Variants in SLC9C2 observed in about 807,000 individuals in gnomAD.
SLC9C2 encodes the protein solute carrier family 9 member C2 (putative).
SLC9C2 carries 75 observed loss-of-function variants against 140.2 expected under a neutral mutation model. The observed-to-expected ratio is 0.53, with a 90% CI of 0.44 to 0.65. SLC9C2 has a LOEUF of 0.65. SLC9C2 is among the 30% of genes least tolerant of loss of function. SLC9C2 has a pLI of 0.00. For synonymous variants in SLC9C2, 375 were observed against 420.9 expected (o/e 0.89, Z 1.34); for missense variants, 1,074 against 1,331.8 (o/e 0.81, Z 3.01).
rs527245078 is a variant in SLC9C2 at position 173,559,311 on chromosome 1, G to A, written c.1047-1803C>T. Among the ~76,000 whole-genome samples, 7 of 152,324 alleles carry A rather than the reference G, an allele frequency of 4.6e-5. No individual in the cohort carries two copies. In the East Asian group the frequency reaches 1.4e-3, roughly 29 times the overall value. On this transcript the variant is annotated intron_variant, in intron 9 of 27. Transcript: ENST00000367714. ...GCCCTGCCTTTCCAAGACAGGGTCTGGGTGTAGAAGGAAATTCACATAACT... is the reference window on the plus strand; with the variant it reads ...GCCCTGCCTTTCCAAGACAGGGTCTAGGTGTAGAAGGAAATTCACATAACT...
chr1:173,578,515 AG>A (rs1213892037), intron 7 of SLC9C2, among the ~76,000 whole-genome samples: 1 of 152,210 alleles, frequency 6.6e-6, no homozygotes, highest in African/African-American at 2.4e-5. Flanking sequence ...TAATTCCTGA[AG>A]CAGAGGAAAG....
At chr1:173,585,400 T>G (rs924300375) in intron 5 of SLC9C2, among the ~76,000 whole-genome samples, 4 of 152,218 alleles carry the variant, frequency 2.6e-5, no homozygotes, top group African/African-American at 9.6e-5. Flanking sequence ...TAATGTATTA[T>G]GACTATTTTA....
chr1:173,552,693 A>G (rs995073756), intron 11 of SLC9C2, among the ~76,000 whole-genome samples: 9 of 152,218 alleles, frequency 5.9e-5, no homozygotes, highest in African/African-American at 2.2e-4. Context: ...CTCAGAAAAA[A>G]AAAGATTCCT....
chr1:173,533,511 C>A (rs763073663), intron 17 of SLC9C2, 98 bp downstream of exon 17: 24 of 849,688 alleles, frequency 2.8e-5, no homozygotes, highest in Non-Finnish European at 3.9e-5. Flanking sequence ...CTTCTGGACT[C>A]AAGCAATCCA....
intron 13 of SLC9C2, among the ~76,000 whole-genome samples, chr1:173,538,676 T>C (rs553873564): frequency 1.3e-5 from 2 of 152,242 alleles, no homozygotes; most frequent in South Asian, 2.1e-4. Context: ...TAAGGAGAAG[T>C]ACAATTATCC....
intron 27 of SLC9C2, among the ~76,000 whole-genome samples, 176 bp downstream of exon 27, chr1:173,503,090 T>C (rs74129106): frequency 0.031 from 4,781 of 152,352 alleles, 265 homozygotes; most frequent in African/African-American, 0.11. Context: ...CTCTGTAATT[T>C]TAATTTTTAA....
At position 173,524,817 on chromosome 1, in the gene SLC9C2, CT is replaced by C; in HGVS notation, c.2475del (p.Gly826AlafsTer11). The part of the protein sequence containing the change: ...ALKNLTFLCS[R>X]GIIDKHEVIE... ...ATGACTTCATGCTTATCAATAATGC[CT>C]CTTGAACAAAGGAAGGTGAGATTTT... On this transcript the variant is annotated frameshift_variant, in exon 20 of 28. Coordinates refer to ENST00000367714, the MANE Select transcript of SLC9C2 (RefSeq NM_178527.4). LOFTEE classifies it high-confidence loss of function. 6.2e-7 allele frequency: 1 copy of C among 1,613,972 alleles called. No individual in the cohort carries two copies. Among genetic ancestry groups the C allele is most frequent in the Non-Finnish European group, 8.5e-7 (1 of 1,179,932 alleles).
chr1:173,599,250 C>G lies in SLC9C2; in HGVS notation c.228+867G>C, dbSNP rs190870441. Reference sequence around the variant, plus strand: ...TCTCCTGCCTCAGCCTATAAGCAGGCCTTTTATAAGGCAACAGCAAGGAGG... The same window carrying G: ...TCTCCTGCCTCAGCCTATAAGCAGGGCTTTTATAAGGCAACAGCAAGGAGG... On this transcript the variant is annotated intron_variant, in intron 3 of 27. Transcript: ENST00000367714. Among the ~76,000 whole-genome samples the G allele has an allele frequency of 8.7e-4, 132 of 151,502 alleles. 2 individuals are homozygous for G. In the East Asian group the frequency reaches 0.025, roughly 28 times the overall value.
intron 15 of SLC9C2, among the ~76,000 whole-genome samples, chr1:173,535,262 C>A (rs1342794120): frequency 6.6e-6 from 1 of 152,082 alleles, no homozygotes; most frequent in Admixed American, 6.6e-5. Context: ...TTGGTATGTT[C>A]TTGTTTTGGC....
chr1:173,505,300 A>G lies in SLC9C2; in HGVS notation c.3257T>C (p.Leu1086Pro). The change falls in exon 26 of 28, where the codon CTG (leucine) becomes CCG (proline). Residue 1086 changes from leucine (L) to proline (P), a missense_variant. Transcript: ENST00000367714. ...GGTAAGCTCAGATGCTTGGATTATC[A>G]GCAGCTTGCTTAAATCAGAAGTTCC... ...VQGTSDLSKL[L>P]IIQASELTQR... is the part of the protein sequence containing the mutation. 1 of 1,614,148 alleles carries G rather than the reference A, an allele frequency of 6.2e-7. No individual in the cohort carries two copies. Among genetic ancestry groups the G allele is most frequent in the Non-Finnish European group, 8.5e-7 (1 of 1,179,992 alleles).
At position 173,554,713 on chromosome 1, in the gene SLC9C2, G is replaced by A. The variant is rs375006497; in HGVS notation, c.1297+20C>T. ...GTATTATTCTCCCCAGCTAATTCAT[G>A]AATGAGACACATACTTTACCTAACT... On this transcript the variant is annotated intron_variant, in intron 11 of 27. Coordinates refer to ENST00000367714, the MANE Select transcript of SLC9C2 (RefSeq NM_178527.4). 27 of 1,511,026 alleles carry A rather than the reference G, an allele frequency of 1.8e-5. No homozygotes were observed. The East Asian group carries it at 3.6e-4, about 20-fold the overall frequency. 93.6% of individuals were successfully genotyped at this position (1,511,026 alleles called of 1,614,324 possible).
intron 5 of SLC9C2, 96 bp from the exon 6 acceptor site, chr1:173,583,718 A>G: frequency 1.4e-6 from 1 of 701,022 alleles, no homozygotes; most frequent in Non-Finnish European, 2.4e-6. Context: ...CAGAAAAAGA[A>G]AAAAGAGAAA....
chr1:173,564,884 G>A lies in SLC9C2; in HGVS notation c.1047-7376C>T, dbSNP rs556941798. Among the ~76,000 whole-genome samples the A allele has an allele frequency of 4.3e-3, 647 of 151,140 alleles. 8 individuals carry two copies. Among genetic ancestry groups the A allele is most frequent in the African/African-American group, 0.015 (609 of 41,314 alleles). On this transcript the variant is annotated intron_variant, in intron 9 of 27. Transcript: ENST00000367714. The stretch of plus-strand genomic sequence containing the variant: ...GATCTCCTGACCTCATGATCTGCCC[G>A]CCTCGGCCTCCCAAAGTGCTGGGAT...
Position 173,506,958 on chromosome 1 carries a change from A to C in SLC9C2, c.3123T>G (p.Asn1041Lys). The part of the protein sequence containing the change: ...LSSYSDMIID[N>K]MTMKFVIIVY... ...CAATGATAACAAATTTCATGGTCAT[A>C]TTATCAATAATCATGTCACTATAGC... The change falls in exon 25 of 28, where the codon AAT becomes AAG. Residue 1041 changes from asparagine to lysine, a missense_variant. Physicochemically the swap from Asn to Lys is moderately conservative, Grantham distance 94 (BLOSUM62 0). Transcript: ENST00000367714. The C allele has an allele frequency of 6.2e-7, 1 of 1,613,434 alleles. No homozygotes were observed. Among genetic ancestry groups the C allele is most frequent in the East Asian group, 2.2e-5 (1 of 44,864 alleles).
At chr1:173,593,302 A>T (rs752906479) in intron 4 of SLC9C2, among the ~76,000 whole-genome samples, 2 of 152,256 alleles carry the variant, frequency 1.3e-5, no homozygotes, top group African/African-American at 2.4e-5. Flanking sequence ...CAAGTGGATC[A>T]TGAGGTCAGG....
At position 173,517,525 on chromosome 1, in the gene SLC9C2, C is replaced by A; in HGVS notation, c.2907+12G>T. ...GAATAATTAATAACTCATGACAGAA[C>A]CATTTTCCTACCTGTAAACTAGTTT... On this transcript the variant is annotated intron_variant, in intron 23 of 27. Transcript: ENST00000367714. The A allele has an allele frequency of 6.3e-7, 1 of 1,584,862 alleles. No homozygotes were observed. The highest frequency in any genetic ancestry group is 8.5e-7 in the Non-Finnish European group (1 of 1,169,866).
chr1:173,500,887 G>A lies in SLC9C2; in HGVS notation c.*207C>T. 2.6e-6 allele frequency: 1 copy of A among 380,744 alleles called. No individual in the cohort carries two copies. Among genetic ancestry groups the A allele is most frequent in the East Asian group, 4.7e-5 (1 of 21,270 alleles). 23.6% of individuals were successfully genotyped at this position (380,744 alleles called of 1,614,324 possible). Reference sequence around the variant, plus strand: ...ACTTTTTTAACATCCCAAATATAATGCAACTACTTAAAATTAAGAAGTTTT... The same window carrying A: ...ACTTTTTTAACATCCCAAATATAATACAACTACTTAAAATTAAGAAGTTTT... On this transcript the variant is annotated 3_prime_UTR_variant, in exon 28 of 28. Coordinates refer to ENST00000367714, the MANE Select transcript of SLC9C2 (RefSeq NM_178527.4).
intron 4 of SLC9C2, among the ~76,000 whole-genome samples, chr1:173,590,072 G>A (rs144355257): frequency 0.033 from 5,023 of 151,944 alleles, 103 homozygotes; most frequent in East Asian, 0.055. Context: ...GTGAAACCCC[G>A]TCTCTACTAA....
chr1:173,501,113 A>G lies in SLC9C2; in HGVS notation c.3372-16T>C. The G allele has an allele frequency of 6.5e-7, 1 of 1,534,034 alleles. No homozygotes were observed. Among genetic ancestry groups the G allele is most frequent in the Non-Finnish European group, 8.8e-7 (1 of 1,138,938 alleles). On this transcript the variant is annotated splice_polypyrimidine_tract_variant and intron_variant, in intron 27 of 27. Transcript: ENST00000367714. ...CAGTTTTCAACTATAAAAGAAAGTC[A>G]AAAGTTAAATATTAGCCTATAAACA...
Sources: gnomAD v4.1 joint callset for allele counts (sites outside exome capture counted in the v4.1 genomes callset) on GRCh38, gnomAD v4.1.1 for gene constraint, MANE v1.5 for transcripts, NCBI Gene and HGNC (gene_info 2026-07-23, HGNC 2026-07-21) for gene names.